CLIP1: variants seen among roughly 807,000 people sequenced by gnomAD.
The protein encoded by CLIP1 is CAP-Gly domain-containing linker protein 1.
In CLIP1, 66 loss-of-function variants were observed where a neutral mutation model predicts 161.6. That is an observed-to-expected ratio of 0.41 (90% CI 0.33 to 0.50). The LOEUF is 0.50. CLIP1 is among the 20% of genes least tolerant of loss of function. CLIP1 has a pLI of 0.27. For missense variants in CLIP1, 1,376 were observed against 1,702.0 expected (o/e 0.81, Z 3.37); for synonymous variants, 598 against 626.2 (o/e 0.96, Z 0.67).
At chr12:122,419,953 A>G (rs1268331417) in intron 1 of CLIP1, among the ~76,000 whole-genome samples, 5 of 151,040 alleles carry the variant, frequency 3.3e-5, no homozygotes, top group Non-Finnish European at 7.4e-5. Context: ...AAAAGCAAGA[A>G]TCAAACATGA....
At chr12:122,277,088 T>G (rs570613727) in intron 24 of CLIP1, 1 of 153,584 alleles carries the variant, frequency 6.5e-6, no homozygotes, top group South Asian at 2.0e-4. Context: ...GCTTCTGGGG[T>G]AACTGGGACT....
intron 17 of CLIP1, among the ~76,000 whole-genome samples, chr12:122,326,575 A>C (rs1163661999): frequency 1.3e-5 from 2 of 152,164 alleles, no homozygotes; most frequent in Non-Finnish European, 2.9e-5. Flanking sequence ...GCTACTTGGG[A>C]AGCTGAGGCA....
At chr12:122,349,630 T>C (rs889516692) in intron 9 of CLIP1, among the ~76,000 whole-genome samples, 1 of 152,226 alleles carries the variant, frequency 6.6e-6, no homozygotes, top group Non-Finnish European at 1.5e-5. Context: ...AGGACAACCC[T>C]TCTTGTAAAA....
Position 122,410,678 on chromosome 12 carries a change from C to G in CLIP1, c.-107+11843G>C, listed in dbSNP as rs566465028. 2.0e-5 allele frequency among the ~76,000 whole-genome samples: 3 copies of G among 151,552 alleles called. No individual in the cohort carries two copies. In the East Asian group the frequency reaches 5.9e-4, roughly 30 times the overall value. On this transcript the variant is annotated intron_variant, in intron 1 of 25. Coordinates refer to ENST00000620786, the MANE Select transcript of CLIP1 (RefSeq NM_001247997.2). Reference sequence around the variant, plus strand: ...TTTGCCATGTTGGCCAGGCTGGTCTCGAACTCCTGACCTCAAGTGATCTGC... The same window carrying G: ...TTTGCCATGTTGGCCAGGCTGGTCTGGAACTCCTGACCTCAAGTGATCTGC...
At chr12:122,280,082 AT>A (rs113853333) in intron 21 of CLIP1, 81 of 147,866 alleles carry the variant, frequency 5.5e-4, no homozygotes, top group Non-Finnish European at 7.1e-4. Context: ...TGTTTTTTTT[AT>A]TTTTTTTTTT....
At chr12:122,277,415 C>T (rs1046536675) in intron 24 of CLIP1, 10 of 149,870 alleles carry the variant, frequency 6.7e-5, no homozygotes, top group African/African-American at 2.5e-4. Context: ...CTTTTGGGCT[C>T]AAGCAATCAT....
chr12:122,387,551 T>C (rs568942966), intron 1 of CLIP1, among the ~76,000 whole-genome samples: 179 of 12,264 alleles, frequency 0.015, 2 homozygotes, highest in South Asian at 0.1. Context: ...CCTTTTCATA[T>C]ATATATATAT....
rs1953290356 is a variant in CLIP1 at position 122,355,456 on chromosome 12, C to T, written c.1006-144G>A. The T allele has an allele frequency of 1.4e-5, 9 of 646,914 alleles. No individual in the cohort carries two copies. The South Asian group carries it at 1.7e-4, about 12-fold the overall frequency. 40.1% of individuals were successfully genotyped at this position (646,914 alleles called of 1,614,324 possible). A position where few individuals can be genotyped will look rare whatever the true frequency, so the allele number is the denominator to read the frequency against. ...GCTGGCCAGGATTAGGAAAGGCTTC[C>T]TCAAAAACACAAGACAGTGTGTGCC... On this transcript the variant is annotated intron_variant, in intron 5 of 25. Coordinates refer to ENST00000620786, the MANE Select transcript of CLIP1 (RefSeq NM_001247997.2). The surrounding 1 kb of genome is among the most constrained non-coding windows in gnomAD (Gnocchi z 4.1).
In CLIP1 at chr12:122,300,991, A is replaced by C. The variant is rs554291676; in HGVS notation, c.3594+8771T>G. Among the ~76,000 whole-genome samples the C allele has an allele frequency of 3.4e-4, 52 of 152,364 alleles. 3 individuals are homozygous for C. Among genetic ancestry groups the C allele is most frequent in the African/African-American group, 1.2e-3 (51 of 41,590 alleles). On this transcript the variant is annotated intron_variant, in intron 20 of 25. Transcript: ENST00000620786. ...AACCTGAATATCATCAGGAAGAAGC[A>C]TCAGACAAACTCAAAATAAGAGAGT...
In CLIP1 at chr12:122,341,344, T is replaced by A. The variant is rs759437292; in HGVS notation, c.1860A>T (p.Ile620=). The change falls in exon 11 of 26, where the codon ATA becomes ATT. Residue 620 remains isoleucine (I), a synonymous_variant. Transcript: ENST00000620786. ...TCTCCAGTTTGGACTTCCATAGAGC[T>A]ATCACATCTGAGTTCTCTTTGTTGG... ...EHANKENSDV[I]ALWKSKLETA... is the part of the protein sequence containing the mutation. 1 of 1,614,158 alleles carries A rather than the reference T, an allele frequency of 6.2e-7. No homozygotes were observed. The highest frequency in any genetic ancestry group is 1.1e-5 in the South Asian group (1 of 91,090).
intron 1 of CLIP1, among the ~76,000 whole-genome samples, chr12:122,391,451 T>A (rs2136977200): frequency 6.6e-6 from 1 of 152,216 alleles, no homozygotes; most frequent in South Asian, 2.1e-4. Flanking sequence ...CTGGGCATAG[T>A]GGCGGGTGCC....
At chr12:122,361,714 A>G (rs952245808) in intron 4 of CLIP1, among the ~76,000 whole-genome samples, 5 of 152,120 alleles carry the variant, frequency 3.3e-5, no homozygotes, top group African/African-American at 1.2e-4. Context: ...AAAAATACAA[A>G]AACTAGCCAG....
chr12:122,393,384 T>A (rs1234984061), intron 1 of CLIP1, among the ~76,000 whole-genome samples: 1 of 150,244 alleles, frequency 6.7e-6, no homozygotes, highest in Non-Finnish European at 1.5e-5. Context: ...AGGGTCTCGA[T>A]TTCCTGACCT....
At chr12:122,340,314 A>G (rs1205272394) in intron 11 of CLIP1, among the ~76,000 whole-genome samples, 1 of 152,180 alleles carries the variant, frequency 6.6e-6, no homozygotes, top group East Asian at 1.9e-4. Context: ...TCCTGACCTC[A>G]GGTGATCACC....
intron 21 of CLIP1, among the ~76,000 whole-genome samples, chr12:122,286,430 T>A (rs919511983): frequency 6.9e-6 from 1 of 144,990 alleles, no homozygotes; most frequent in Non-Finnish European, 1.5e-5. Context: ...GGCAGGAGAA[T>A]TGCTTGAACC....
At position 122,297,397 on chromosome 12, in the gene CLIP1, G is replaced by A. The variant is rs145804379; in HGVS notation, c.3595-8856C>T. On this transcript the variant is annotated intron_variant, in intron 20 of 25. Coordinates refer to ENST00000620786, the MANE Select transcript of CLIP1 (RefSeq NM_001247997.2). ...TTTATTGTGATCTCCCCTATTTTTG[G>A]AACACAGGCACACAGTAGGCACTCA... 2.6e-4 allele frequency among the ~76,000 whole-genome samples: 39 copies of A among 152,136 alleles called. No individual in the cohort carries two copies. The East Asian group carries it at 6.6e-3, about 26-fold the overall frequency.
Position 122,328,388 on chromosome 12 carries a change from T to G in CLIP1, c.2906A>C (p.Asn969Thr). ...TTTTTGCAGAAAACTTGCATTTTCA[T>G]TAGCCTTTGTAAGTTTTAGCTGTAA... is the stretch of plus-strand genomic sequence containing the variant. ...EELQLKLTKA[N>T]ENASFLQKSI... The change falls in exon 16 of 26, where the codon AAT (asparagine) becomes ACT (threonine). Residue 969 changes from asparagine (N) to threonine (T), a missense_variant. Around this residue, in one of 6 missense-constraint regions of CLIP1, gnomAD observed 948 missense variants for 1,134.8 expected, o/e 0.84. Coordinates refer to ENST00000620786, the MANE Select transcript of CLIP1 (RefSeq NM_001247997.2). 1 of 1,611,868 alleles carries G rather than the reference T, an allele frequency of 6.2e-7. No homozygotes were observed. Among genetic ancestry groups the G allele is most frequent in the Non-Finnish European group, 8.5e-7 (1 of 1,179,312 alleles).
chr12:122,276,839 T>C (rs1017345671), intron 24 of CLIP1: 1 of 181,116 alleles, frequency 5.5e-6, no homozygotes, highest in African/African-American at 2.4e-5. Context: ...GGCCTTGCTC[T>C]GTCACCCAGC....
chr12:122,355,652 A>C lies in CLIP1; in HGVS notation c.1006-340T>G. 4.4e-6 allele frequency: 1 copy of C among 229,440 alleles called. No individual in the cohort carries two copies. 14.2% of individuals were successfully genotyped at this position (229,440 alleles called of 1,614,324 possible). On this transcript the variant is annotated intron_variant, in intron 5 of 25. Coordinates refer to ENST00000620786, the MANE Select transcript of CLIP1 (RefSeq NM_001247997.2). This position sits in a 1 kb window ranked among gnomAD's most constrained non-coding sequence, Gnocchi z 4.1. ...AGACCCCATCTCTACTAAAAATACA[A>C]AAATTAGCTGGAGTGCAGTGGTGCG... is the stretch of plus-strand genomic sequence containing the variant.
Sources: allele counts gnomAD v4.1 joint callset (sites outside exome capture counted in the v4.1 genomes callset), GRCh38; gene constraint gnomAD v4.1.1; regional missense constraint gnomAD v4.1.1; non-coding constraint Gnocchi (gnomAD v3.1); transcripts MANE v1.5; gene names NCBI Gene and HGNC (gene_info 2026-07-23, HGNC 2026-07-21).